Variants in JUN observed in about 807,000 individuals in gnomAD.
The protein encoded by JUN is transcription factor Jun.
Under a neutral mutation model 19.7 loss-of-function variants are expected in JUN, and 7 were observed. That is an observed-to-expected ratio of 0.36 (90% CI 0.20 to 0.67). The LOEUF is 0.67. JUN is among the 30% of genes least tolerant of loss of function. JUN has a pLI of 0.64. For synonymous variants in JUN, 246 were observed against 206.9 expected (o/e 1.19, Z -1.62); for missense variants, 373 against 451.0 (o/e 0.83, Z 1.57).
rs1645593618 is a variant in JUN, at chr1:58,783,418, C to CG, written c.-349dup. 2.9e-6 allele frequency: 1 copy of CG among 342,616 alleles called. No individual in the cohort carries two copies. Among genetic ancestry groups the CG allele is most frequent in the South Asian group, 5.2e-5 (1 of 19,384 alleles). 21.2% of individuals were successfully genotyped at this position (342,616 alleles called of 1,614,324 possible). A position where few individuals can be genotyped will look rare whatever the true frequency, so the allele number is the denominator to read the frequency against. On this transcript the variant is annotated 5_prime_UTR_variant, in exon 1 of 1. Coordinates refer to ENST00000371222, the MANE Select transcript of JUN (RefSeq NM_002228.4). ...CACTTCCCAGAGCAGCGGCTCTCCC[C>CG]GCGGAGCGGATCAGTGCGGACCCTG... is the stretch of plus-strand genomic sequence containing the variant.
chr1:58,783,158 C>T lies in JUN; in HGVS notation c.-88G>A. 3.9e-6 allele frequency: 6 copies of T among 1,522,642 alleles called. No individual in the cohort carries two copies. Among genetic ancestry groups the T allele is most frequent in the Non-Finnish European group, 5.3e-6 (6 of 1,133,950 alleles). 94.3% of individuals were successfully genotyped at this position (1,522,642 alleles called of 1,614,324 possible). A position where few individuals can be genotyped will look rare whatever the true frequency, so the allele number is the denominator to read the frequency against. The stretch of plus-strand genomic sequence containing the variant: ...ACAGGGCTGTGGCAAGCGGGGGACA[C>T]CCGCGCCCCCCGGAGCCTTTGACAG... On this transcript the variant is annotated 5_prime_UTR_variant, in exon 1 of 1. The change creates a new upstream start codon in the 5' untranslated region. Transcript: ENST00000371222.
In JUN at chr1:58,784,009, C is replaced by G; in HGVS notation, c.-939G>C. ...GCCTGACTCCGCGCACCTCCACTCC[C>G]GCCTCGCTGCTTCAGCCACACTCAG... On this transcript the variant is annotated 5_prime_UTR_variant, in exon 1 of 1. Transcript: ENST00000371222. The G allele has an allele frequency of 4.0e-6, 1 of 249,168 alleles. No individual in the cohort carries two copies. The highest frequency in any genetic ancestry group is 8.4e-6 in the Non-Finnish European group (1 of 119,010). The allele number at this position is 249,168 out of a possible 1,614,324, so 15.4% of individuals were successfully genotyped here.
In JUN at chr1:58,782,510, C is replaced by T. The variant is rs745564110; in HGVS notation, c.561G>A (p.Ala187=). ...CCAGGCCGGCCGCGCCGTAGGAGGG[C>T]GCCCCGCCGCCGCTGCTCAGCGCGC... ...NPGALSSGGG[A]PSYGAAGLAF... Residue 187 remains alanine (A), a synonymous_variant, in exon 1 of 1, where the codon GCG becomes GCA. Transcript: ENST00000371222. This position sits in a 1 kb window ranked among gnomAD's most constrained non-coding sequence, Gnocchi z 8.7. The T allele has an allele frequency of 6.4e-7, 1 of 1,569,296 alleles. No individual in the cohort carries two copies. Among genetic ancestry groups the T allele is most frequent in the Non-Finnish European group, 8.6e-7 (1 of 1,163,876 alleles).
rs1312351023 is a variant in JUN at position 58,781,138 on chromosome 1, G to A, written c.*937C>T. 4.3e-6 allele frequency: 1 copy of A among 233,038 alleles called. No homozygotes were observed. Among genetic ancestry groups the A allele is most frequent in the Admixed American group, 5.6e-5 (1 of 17,768 alleles). The allele number at this position is 233,038 out of a possible 1,614,324, so 14.4% of individuals were successfully genotyped here. On this transcript the variant is annotated 3_prime_UTR_variant, in exon 1 of 1. Coordinates refer to ENST00000371222, the MANE Select transcript of JUN (RefSeq NM_002228.4). ...CATATAGATAGCTGGGGGAGGAGGA[G>A]TATAACCTGACCATAGCATCAGGTA...
At position 58,781,506 on chromosome 1, in the gene JUN, C is replaced by T; in HGVS notation, c.*569G>A. 4.5e-6 allele frequency: 1 copy of T among 224,272 alleles called. No homozygotes were observed. The highest frequency in any genetic ancestry group is 6.5e-5 in the East Asian group (1 of 15,430). 13.9% of individuals were successfully genotyped at this position (224,272 alleles called of 1,614,324 possible). On this transcript the variant is annotated 3_prime_UTR_variant, in exon 1 of 1. Coordinates refer to ENST00000371222, the MANE Select transcript of JUN (RefSeq NM_002228.4). Reference sequence around the variant, plus strand: ...AGAAATAACTTACAAAGGCATGAAGCTGTTTATTGACAGTAATCAGCTTTC... The same window carrying T: ...AGAAATAACTTACAAAGGCATGAAGTTGTTTATTGACAGTAATCAGCTTTC...
rs1445709005 is a variant in JUN, at chr1:58,783,924, A to G, written c.-854T>C. ...CAGTTAGAGAGAAGGTGAAAAGAAA[A>G]TAAGATTTGCAGTTCGGACTATACT... On this transcript the variant is annotated 5_prime_UTR_variant, in exon 1 of 1. Transcript: ENST00000371222. The G allele has an allele frequency of 4.0e-6, 1 of 248,112 alleles. No individual in the cohort carries two copies. The highest frequency in any genetic ancestry group is 6.0e-5 in the East Asian group (1 of 16,588). 15.4% of individuals were successfully genotyped at this position (248,112 alleles called of 1,614,324 possible).
At position 58,783,283 on chromosome 1, in the gene JUN, T is replaced by A; in HGVS notation, c.-213A>T. 1.6e-6 allele frequency: 1 copy of A among 608,578 alleles called. No homozygotes were observed. Among genetic ancestry groups the A allele is most frequent in the Non-Finnish European group, 2.8e-6 (1 of 359,762 alleles). The allele number at this position is 608,578 out of a possible 1,614,324, so 37.7% of individuals were successfully genotyped here. A position where few individuals can be genotyped will look rare whatever the true frequency, so the allele number is the denominator to read the frequency against. ...GGAGCGCAGGGTTAATTAAGATGCC[T>A]CCCGCACTCTTACTTGTCGACTCGC... On this transcript the variant is annotated 5_prime_UTR_variant, in exon 1 of 1. Transcript: ENST00000371222.
At position 58,780,811 on chromosome 1, in the gene JUN, T is replaced by C. The variant is rs1342305184; in HGVS notation, c.*1264A>G. The C allele has an allele frequency of 8.6e-6, 2 of 232,340 alleles. No homozygotes were observed. The highest frequency in any genetic ancestry group is 4.4e-5 in the African/African-American group (2 of 45,322). The allele number at this position is 232,340 out of a possible 1,614,324, so 14.4% of individuals were successfully genotyped here. A position where few individuals can be genotyped will look rare whatever the true frequency, so the allele number is the denominator to read the frequency against. The stretch of plus-strand genomic sequence containing the variant: ...TGTTATTGGTATTTGAATACATTTA[T>C]TGTGACAAGAATGCTGTTATAAATA... On this transcript the variant is annotated 3_prime_UTR_variant, in exon 1 of 1. Coordinates refer to ENST00000371222, the MANE Select transcript of JUN (RefSeq NM_002228.4).
chr1:58,783,201 G>A lies in JUN; in HGVS notation c.-131C>T. 3.6e-6 allele frequency: 5 copies of A among 1,403,220 alleles called. No homozygotes were observed. The highest frequency in any genetic ancestry group is 4.8e-6 in the Non-Finnish European group (5 of 1,039,758). The allele number at this position is 1,403,220 out of a possible 1,614,324, so 86.9% of individuals were successfully genotyped here. ...TTTGACAGGGAAAGTTTCTCTAAGA[G>A]CGCACGCACCCGCTGGCTGTCGTCC... On this transcript the variant is annotated 5_prime_UTR_variant, in exon 1 of 1. Coordinates refer to ENST00000371222, the MANE Select transcript of JUN (RefSeq NM_002228.4).
chr1:58,783,715 G>A lies in JUN; in HGVS notation c.-645C>T. On this transcript the variant is annotated 5_prime_UTR_variant, in exon 1 of 1. Coordinates refer to ENST00000371222, the MANE Select transcript of JUN (RefSeq NM_002228.4). ...CCACTTGTCTCCGGTCCTCCCAGCC[G>A]GGAAAGTTCTTTGCTGCTGCAGCCG... is the stretch of plus-strand genomic sequence containing the variant. 1 of 248,022 alleles carries A rather than the reference G, an allele frequency of 4.0e-6. No individual in the cohort carries two copies. The highest frequency in any genetic ancestry group is 8.5e-6 in the Non-Finnish European group (1 of 118,008). 15.4% of individuals were successfully genotyped at this position (248,022 alleles called of 1,614,324 possible).
At position 58,782,579 on chromosome 1, in the gene JUN, G is replaced by A. The variant is rs753280185; in HGVS notation, c.492C>T (p.His164=). Residue 164 remains histidine, a synonymous_variant, in exon 1 of 1, where the codon CAC becomes CAT. Coordinates refer to ENST00000371222, the MANE Select transcript of JUN (RefSeq NM_002228.4). This position sits in a 1 kb window ranked among gnomAD's most constrained non-coding sequence, Gnocchi z 8.7. ...GGTTTGCGTAGACCGGCGGCTCGCT[G>A]TGCAGGCTGGCGCTGAAGCCGCCGC... ...SGSGGFSASL[H]SEPPVYANLS... 7 of 1,576,654 alleles carry A rather than the reference G, an allele frequency of 4.4e-6. No homozygotes were observed. The highest frequency in any genetic ancestry group is 6.0e-6 in the Non-Finnish European group (7 of 1,169,862).
Position 58,781,907 on chromosome 1 carries a change from T to A in JUN, c.*168A>T. On this transcript the variant is annotated 3_prime_UTR_variant, in exon 1 of 1. Transcript: ENST00000371222. The stretch of plus-strand genomic sequence containing the variant: ...GGGCGCGCCAAGTCCTTCCCACTCG[T>A]GCACACTGGGGGCGCCGTCAGGACG... 1.6e-6 allele frequency: 1 copy of A among 643,416 alleles called. No homozygotes were observed. The highest frequency in any genetic ancestry group is 2.7e-5 in the East Asian group (1 of 36,398). 39.9% of individuals were successfully genotyped at this position (643,416 alleles called of 1,614,324 possible).
chr1:58,782,500 C>G lies in JUN; in HGVS notation c.571G>C (p.Gly191Arg). ...GCGGGAAAGGCCAGGCCGGCCGCGC[C>G]GTAGGAGGGCGCCCCGCCGCCGCTG... ...LSSGGGAPSY[G>R]AAGLAFPAQP... The change falls in exon 1 of 1, where the codon GGC becomes CGC. Residue 191 changes from glycine to arginine, a missense_variant. By Grantham distance (125) the Gly-to-Arg change is moderately radical. Around this residue, in one of 4 missense-constraint regions of JUN, gnomAD observed 173 missense variants for 154.5 expected, o/e 1.12. Coordinates refer to ENST00000371222, the MANE Select transcript of JUN (RefSeq NM_002228.4). The surrounding 1 kb of genome is among the most constrained non-coding windows in gnomAD (Gnocchi z 8.7). The G allele has an allele frequency of 1.9e-6, 3 of 1,571,456 alleles. No individual in the cohort carries two copies. Among genetic ancestry groups the G allele is most frequent in the Non-Finnish European group, 2.6e-6 (3 of 1,164,944 alleles).
At position 58,780,899 on chromosome 1, in the gene JUN, G is replaced by T. The variant is rs2100737505; in HGVS notation, c.*1176C>A. 2 of 233,134 alleles carry T rather than the reference G, an allele frequency of 8.6e-6. No individual in the cohort carries two copies. The highest frequency in any genetic ancestry group is 1.2e-4 in the East Asian group (2 of 16,542). 14.4% of individuals were successfully genotyped at this position (233,134 alleles called of 1,614,324 possible). A position where few individuals can be genotyped will look rare whatever the true frequency, so the allele number is the denominator to read the frequency against. On this transcript the variant is annotated 3_prime_UTR_variant, in exon 1 of 1. Transcript: ENST00000371222. ...CAAAGAGAAGATTCCAAATTGGAAG[G>T]ATACATCTTTTGTAAAATCTGCCAC... is the stretch of plus-strand genomic sequence containing the variant.
In JUN at chr1:58,782,466, T is replaced by G. The variant is rs559705593; in HGVS notation, c.605A>C (p.Gln202Pro). Residue 202 changes from glutamine (Q) to proline (P), a missense_variant, in exon 1 of 1, where the codon CAG (glutamine) becomes CCG (proline). By Grantham distance (76) the Gln-to-Pro change is moderately conservative. Coordinates refer to ENST00000371222, the MANE Select transcript of JUN (RefSeq NM_002228.4). The surrounding 1 kb of genome is among the most constrained non-coding windows in gnomAD (Gnocchi z 8.7). ...AAGLAFPAQPQQQQQPPHHLP... is the reference protein window; with the variant it reads ...AAGLAFPAQPPQQQQPPHHLP... ...GTGGTGCGGCGGCTGCTGCTGCTGC[T>G]GGGGTTGCGCGGGAAAGGCCAGGCC... The G allele has an allele frequency of 1.1e-5, 18 of 1,590,360 alleles. No homozygotes were observed. The African/African-American group carries it at 2.4e-4, about 21-fold the overall frequency.
Position 58,782,168 on chromosome 1 carries a change from G to T in JUN, c.903C>A (p.Leu301=), listed in dbSNP as rs545130670. 1.1e-5 allele frequency: 18 copies of T among 1,614,216 alleles called. No homozygotes were observed. The East Asian group carries it at 3.6e-4, about 32-fold the overall frequency. Residue 301 remains leucine (L), a synonymous_variant, in exon 1 of 1, where the codon CTC becomes CTA. Transcript: ENST00000371222. The surrounding 1 kb of genome is among the most constrained non-coding windows in gnomAD (Gnocchi z 8.7). ...GTTTAAGCTGTGCCACCTGTTCCCTGAGCATGTTGGCCGTGGACGCCAGCT... is the reference window on the plus strand; with the variant it reads ...GTTTAAGCTGTGCCACCTGTTCCCTTAGCATGTTGGCCGTGGACGCCAGCT... The part of the protein sequence containing the change: ...NSELASTANM[L]REQVAQLKQK...
Position 58,780,904 on chromosome 1 carries a change from A to G in JUN, c.*1171T>C, listed in dbSNP as rs1292805133. 3.4e-5 allele frequency: 8 copies of G among 233,092 alleles called. No individual in the cohort carries two copies. The highest frequency in any genetic ancestry group is 6.8e-5 in the Non-Finnish European group (8 of 118,020). 14.4% of individuals were successfully genotyped at this position (233,092 alleles called of 1,614,324 possible). On this transcript the variant is annotated 3_prime_UTR_variant, in exon 1 of 1. Coordinates refer to ENST00000371222, the MANE Select transcript of JUN (RefSeq NM_002228.4). ...AGAAGATTCCAAATTGGAAGGATAC[A>G]TCTTTTGTAAAATCTGCCACCAATT...
In JUN at chr1:58,782,008, G is replaced by A; in HGVS notation, c.*67C>T. 1 of 1,314,368 alleles carries A rather than the reference G, an allele frequency of 7.6e-7. No individual in the cohort carries two copies. Among genetic ancestry groups the A allele is most frequent in the Non-Finnish European group, 1.1e-6 (1 of 931,058 alleles). 81.4% of individuals were successfully genotyped at this position (1,314,368 alleles called of 1,614,324 possible). The stretch of plus-strand genomic sequence containing the variant: ...TTTTCTCTCCGTCGCAACTTGTCAA[G>A]TTCTCAAGTCTGTCTCTCTGTGTTA... On this transcript the variant is annotated 3_prime_UTR_variant, in exon 1 of 1. Coordinates refer to ENST00000371222, the MANE Select transcript of JUN (RefSeq NM_002228.4). This position sits in a 1 kb window ranked among gnomAD's most constrained non-coding sequence, Gnocchi z 8.7.
At position 58,782,892 on chromosome 1, in the gene JUN, A is replaced by C; in HGVS notation, c.179T>G (p.Leu60Arg). 6.2e-7 allele frequency: 1 copy of C among 1,614,136 alleles called. No homozygotes were observed. Among genetic ancestry groups the C allele is most frequent in the Non-Finnish European group, 8.5e-7 (1 of 1,180,022 alleles). The change falls in exon 1 of 1, where the codon CTC becomes CGC. Residue 60 changes from leucine (L) to arginine (R), a missense_variant. This residue lies in a region of JUN where 113 missense variants were observed against 136.9 expected (regional missense o/e 0.83). Transcript: ENST00000371222. The surrounding 1 kb of genome is among the most constrained non-coding windows in gnomAD (Gnocchi z 8.7). ...CAGCCCCACGTCGGGCGAGGTGAGGAGGTCCGAGTTCTTGGCGCGGAGGTG... is the reference window on the plus strand; with the variant it reads ...CAGCCCCACGTCGGGCGAGGTGAGGCGGTCCGAGTTCTTGGCGCGGAGGTG... ...KPHLRAKNSD[L>R]LTSPDVGLLK...
Sources: allele counts gnomAD v4.1 joint callset, GRCh38; gene constraint gnomAD v4.1.1; regional missense constraint gnomAD v4.1.1; non-coding constraint Gnocchi (gnomAD v3.1); transcripts MANE v1.5; gene names NCBI Gene and HGNC (gene_info 2026-07-23, HGNC 2026-07-21).